The following ST3GAL3 variants were observed in gnomAD, a reference collection of about 807,000 sequenced individuals.
ST3GAL3 encodes ST3 beta-galactoside alpha-2,3-sialyltransferase 3.
Under a neutral mutation model 50.1 loss-of-function variants are expected in ST3GAL3, and 21 were observed. The ratio of observed to expected loss-of-function variants is 0.42; its 90% CI spans 0.30 to 0.60. ST3GAL3 has a LOEUF of 0.60. Ranked by LOEUF, ST3GAL3 falls within the 20% of genes least tolerant of loss-of-function variation. The pLI is 0.19. For missense variants in ST3GAL3, 353 were observed against 489.4 expected, an observed-to-expected ratio of 0.72 and a Z score of 2.63; for synonymous variants, 183 against 190.0, an observed-to-expected ratio of 0.96 and a Z score of 0.30.
intron 2 of ST3GAL3, among the ~76,000 whole-genome samples, chr1:43,759,754 A>T (rs1426565004): frequency 2.0e-5 from 3 of 152,218 alleles, no homozygotes; most frequent in Admixed American, 6.5e-5. Flanking sequence ...TTGTCATTAT[A>T]TTTCTCACTG....
chr1:43,782,453 A>G (rs1293459545), intron 2 of ST3GAL3, among the ~76,000 whole-genome samples: 2 of 152,254 alleles, frequency 1.3e-5, no homozygotes, highest in East Asian at 3.9e-4. Flanking sequence ...ATTTTCTGAA[A>G]AATATATAGT....
chr1:43,856,077 A>G (rs1408706374), intron 5 of ST3GAL3, among the ~76,000 whole-genome samples: 11 of 152,258 alleles, frequency 7.2e-5, no homozygotes, highest in Non-Finnish European at 1.3e-4. Context: ...CTGAAATACC[A>G]TGACTGATCT....
intron 5 of ST3GAL3, chr1:43,840,740 AG>A (rs1228319173): frequency 5.9e-5 from 9 of 152,100 alleles, no homozygotes; most frequent in African/African-American, 2.2e-4. Context: ...TTATTTCTCA[AG>A]CTGGCCGACG....
chr1:43,778,640 T>A (rs1012266623), intron 2 of ST3GAL3, among the ~76,000 whole-genome samples: 1 of 128,622 alleles, frequency 7.8e-6, no homozygotes, highest in Non-Finnish European at 1.7e-5. Flanking sequence ...TCTTTTCTTT[T>A]TTTCTTTTTT....
intron 10 of ST3GAL3, 39 bp downstream of exon 10, chr1:43,920,589 T>A: frequency 6.2e-7 from 1 of 1,610,676 alleles, no homozygotes. Flanking sequence ...GGAGGAAAGC[T>A]GGGTCAGAAG....
At position 43,743,843 on chromosome 1, in the gene ST3GAL3, T is replaced by TCC. The variant is rs10599480; in HGVS notation, c.118+7474_118+7475dup. The TCC allele has an allele frequency of 9.7e-4, 133 of 136,878 alleles. 3 individuals are homozygous for TCC. Among genetic ancestry groups the TCC allele is most frequent in the South Asian group, 6.0e-3 (23 of 3,862 alleles). The allele number at this position is 136,878 out of a possible 1,614,324, so 8.5% of individuals were successfully genotyped here. Reference sequence around the variant, plus strand: ...AGTATAGTATTCTCTATTCTTTCATTCCCCCCCCCCCCATTCCTATATTAC... The same window carrying TCC: ...AGTATAGTATTCTCTATTCTTTCATTCCCCCCCCCCCCCCATTCCTATATTAC... On this transcript the variant is annotated intron_variant, in intron 2 of 11. Transcript: ENST00000347631.
At chr1:43,894,259 G>T (rs1417903538) in intron 5 of ST3GAL3, 124 bp from the exon 6 acceptor site, 3 of 913,192 alleles carry the variant, frequency 3.3e-6, no homozygotes, top group South Asian at 1.3e-5. Context: ...TGGGTGGAGG[G>T]GGGTATGCCG....
chr1:43,929,514 G>A (rs1453030238), intron 11 of ST3GAL3, among the ~76,000 whole-genome samples: 1 of 152,134 alleles, frequency 6.6e-6, no homozygotes, highest in African/African-American at 2.4e-5. Flanking sequence ...ATGTTGGTCA[G>A]GCTGGTTTGA....
intron 2 of ST3GAL3, among the ~76,000 whole-genome samples, chr1:43,740,641 CA>C (rs1216930259): frequency 6.6e-6 from 1 of 151,686 alleles, no homozygotes; most frequent in Non-Finnish European, 1.5e-5. Flanking sequence ...CTTGTCTCTA[CA>C]AAAAAATTAA....
intron 4 of ST3GAL3, among the ~76,000 whole-genome samples, chr1:43,815,883 TTGGATGGATGGATGGATGGA>T (rs3838469): frequency 1.4e-5 from 2 of 145,282 alleles, no homozygotes; most frequent in Admixed American, 1.4e-4. Flanking sequence ...GAATGCTTGG[TTGGATGGATGGATGGATGGA>T]TGGATGGATG....
intron 2 of ST3GAL3, among the ~76,000 whole-genome samples, chr1:43,744,057 T>C (rs765546998): frequency 6.6e-6 from 1 of 152,198 alleles, no homozygotes; most frequent in Non-Finnish European, 1.5e-5. Context: ...CTCTCACTAT[T>C]TCAACAAAAA....
chr1:43,760,592 A>G (rs1223603337), intron 2 of ST3GAL3, among the ~76,000 whole-genome samples: 1 of 151,994 alleles, frequency 6.6e-6, no homozygotes, highest in Non-Finnish European at 1.5e-5. Flanking sequence ...CGTCTCTACT[A>G]AAAAATACAA....
chr1:43,857,572 T>TACC (rs2068755735), intron 5 of ST3GAL3, among the ~76,000 whole-genome samples: 1 of 80,878 alleles, frequency 1.2e-5, no homozygotes, highest in Non-Finnish European at 2.3e-5. Flanking sequence ...TCCTTCTTTC[T>TACC]TTCCTTCCTC....
chr1:43,771,351 T>A (rs1467411567), intron 2 of ST3GAL3, among the ~76,000 whole-genome samples: 1 of 150,952 alleles, frequency 6.6e-6, no homozygotes, highest in African/African-American at 2.5e-5. Flanking sequence ...GCGAGACTGT[T>A]GGGCGACTTT....
chr1:43,741,106 T>A (rs889287996), intron 2 of ST3GAL3, among the ~76,000 whole-genome samples: 1 of 152,074 alleles, frequency 6.6e-6, no homozygotes, highest in Non-Finnish European at 1.5e-5. Context: ...GTGGAAGGAT[T>A]GCTTGAGCCC....
chr1:43,808,282 C>T (rs139686094), intron 3 of ST3GAL3, among the ~76,000 whole-genome samples: 211 of 138,004 alleles, frequency 1.5e-3, no homozygotes, highest in African/African-American at 5.6e-3. Context: ...CCAGCCCAGG[C>T]GACAGTGTGA....
intron 3 of ST3GAL3, among the ~76,000 whole-genome samples, chr1:43,810,892 C>G (rs1415204718): frequency 6.6e-6 from 1 of 151,704 alleles, no homozygotes; most frequent in Non-Finnish European, 1.5e-5. Flanking sequence ...CCGATGGCCT[C>G]CCTCTATTCC....
intron 5 of ST3GAL3, chr1:43,850,827 G>A: frequency 9.2e-7 from 1 of 1,084,432 alleles, no homozygotes; most frequent in Non-Finnish European, 1.4e-6. Flanking sequence ...CCCAGCAATG[G>A]TGTGGTTGTG....
intron 4 of ST3GAL3, among the ~76,000 whole-genome samples, chr1:43,830,518 C>T (rs958477639): frequency 1.1e-4 from 16 of 152,236 alleles, no homozygotes; most frequent in African/African-American, 3.4e-4. Context: ...TTACATAGCC[C>T]CTGAACTGTG....
Sources: gnomAD v4.1 joint callset for allele counts (sites outside exome capture counted in the v4.1 genomes callset) on GRCh38, gnomAD v4.1.1 for gene constraint, MANE v1.5 for transcripts, NCBI Gene and HGNC (gene_info 2026-07-23, HGNC 2026-07-21) for gene names.